NEGR1: variants seen among roughly 807,000 people sequenced by gnomAD.
NEGR1 encodes IgLON family member 4.
Under a neutral mutation model 40.9 loss-of-function variants are expected in NEGR1, and 10 were observed. The observed-to-expected ratio is 0.24, with a 90% CI of 0.15 to 0.42. The LOEUF (loss-of-function observed/expected upper bound fraction) is 0.42. Ranked by LOEUF, NEGR1 falls within the 10% of genes least tolerant of loss-of-function variation. NEGR1 has a pLI of 1.00. For synonymous variants in NEGR1, 185 were observed against 166.8 expected, an observed-to-expected ratio of 1.11 and a Z score of -0.84; for missense variants, 352 against 438.9, an observed-to-expected ratio of 0.80 and a Z score of 1.77.
At chr1:71,780,007 G>A (rs1570336866) in intron 2 of NEGR1, among the ~76,000 whole-genome samples, 1 of 146,404 alleles carries the variant, frequency 6.8e-6, no homozygotes, top group Admixed American at 6.8e-5. Flanking sequence ...ATGGTCCCAG[G>A]GCGCATCGTG....
Position 71,399,753 on chromosome 1 carries a change from CA to C in NEGR1, c.*7692del, listed in dbSNP as rs1317618547. 1 of 152,078 alleles carries C rather than the reference CA, an allele frequency of 6.6e-6. No homozygotes were observed. The highest frequency in any genetic ancestry group is 2.4e-5 in the African/African-American group (1 of 41,416). The allele number at this position is 152,078 out of a possible 1,614,324, so 9.4% of individuals were successfully genotyped here. ...AATGAGCTATTGAACACATTTTTGC[CA>C]GGTCACTTGTCAAGTACTTGGTAGG... On this transcript the variant is annotated 3_prime_UTR_variant, in exon 7 of 7. Transcript: ENST00000357731.
At chr1:71,730,792 T>C (rs1384656844) in intron 3 of NEGR1, among the ~76,000 whole-genome samples, 2 of 151,598 alleles carry the variant, frequency 1.3e-5, no homozygotes, top group East Asian at 3.9e-4. Context: ...AGTATCAAAA[T>C]TGTTTGGCAT....
rs545773046 is a variant in NEGR1 at position 72,279,175 on chromosome 1, G to T, written c.176+3144C>A. Among the ~76,000 whole-genome samples, 131 of 152,172 alleles carry T rather than the reference G, an allele frequency of 8.6e-4. 1 individual carries two copies. Among genetic ancestry groups the T allele is most frequent in the Admixed American group, 2.7e-3 (42 of 15,286 alleles). ...TGTATTTAAGCTAAACAGAAAAGAT[G>T]ATTTACAAAATGATAGATACAGTTA... On this transcript the variant is annotated intron_variant, in intron 1 of 6. Coordinates refer to ENST00000357731, the MANE Select transcript of NEGR1 (RefSeq NM_173808.3).
intron 1 of NEGR1, among the ~76,000 whole-genome samples, chr1:72,059,051 G>C (rs1647141133): frequency 6.6e-6 from 1 of 151,636 alleles, no homozygotes; most frequent in Non-Finnish European, 1.5e-5. Context: ...TTGTCTTTCA[G>C]ATTGGTCCCC....
chr1:71,500,063 T>C (rs541475748), intron 6 of NEGR1, among the ~76,000 whole-genome samples: 27 of 152,232 alleles, frequency 1.8e-4, no homozygotes, highest in African/African-American at 6.3e-4. Context: ...AAATCAAATG[T>C]AATACCAAAA....
chr1:71,506,438 C>A (rs1032614586), intron 6 of NEGR1, among the ~76,000 whole-genome samples: 3 of 152,110 alleles, frequency 2.0e-5, no homozygotes, highest in African/African-American at 7.2e-5. Context: ...GCAGTAGCTG[C>A]CACAACCCTG....
At chr1:72,249,896 G>A (rs2100528470) in intron 1 of NEGR1, among the ~76,000 whole-genome samples, 1 of 152,262 alleles carries the variant, frequency 6.6e-6, no homozygotes, top group East Asian at 1.9e-4. Context: ...AAATGCCTCA[G>A]ATCTTCAAGC....
At chr1:72,009,716 A>T (rs1384061155) in intron 1 of NEGR1, among the ~76,000 whole-genome samples, 1 of 152,152 alleles carries the variant, frequency 6.6e-6, no homozygotes, top group African/African-American at 2.4e-5. Context: ...TTTTGTGTCT[A>T]GCTGGGTATT....
At chr1:71,744,732 A>T (rs1438967034) in intron 3 of NEGR1, among the ~76,000 whole-genome samples, 1 of 152,174 alleles carries the variant, frequency 6.6e-6, no homozygotes, top group Non-Finnish European at 1.5e-5. Flanking sequence ...TCACAAGTTC[A>T]ATCTTAGTTT....
At chr1:71,539,656 G>T (rs888732499) in intron 6 of NEGR1, among the ~76,000 whole-genome samples, 3 of 151,600 alleles carry the variant, frequency 2.0e-5, no homozygotes, top group African/African-American at 7.3e-5. Flanking sequence ...TGAAGAAAAA[G>T]TCCAATGTCA....
At chr1:71,435,102 CAAACAAACA>C (rs1315881841) in intron 6 of NEGR1, among the ~76,000 whole-genome samples, 2 of 146,102 alleles carry the variant, frequency 1.4e-5, no homozygotes, top group South Asian at 4.6e-4. Context: ...AACAAACAAA[CAAACAAACA>C]AAAAAAAAAA....
chr1:71,905,963 C>T, intron 2 of NEGR1, among the ~76,000 whole-genome samples: 1 of 151,824 alleles, frequency 6.6e-6, no homozygotes, highest in East Asian at 1.9e-4. Context: ...ACAACTTAAG[C>T]TTAGCCAACC....
At position 71,563,162 on chromosome 1, in the gene NEGR1, A is replaced by G. The variant is rs1446672552; in HGVS notation, c.940+29655T>C. On this transcript the variant is annotated intron_variant, in intron 6 of 6. Transcript: ENST00000357731. ...ATAAAAGAGTGCTTGTTCTCCATGA[A>G]ACATATTGGAATAGAGAGAGAGAGG... 3.3e-5 allele frequency among the ~76,000 whole-genome samples: 5 copies of G among 151,976 alleles called. No individual in the cohort carries two copies. The South Asian group carries it at 8.3e-4, about 25-fold the overall frequency.
Position 71,752,716 on chromosome 1 carries a change from T to G in NEGR1, c.535+23456A>C, listed in dbSNP as rs146782843. ...AATCAAATACTATGGAATCAATCATTCATGTACCCTCTCACTTTCATAGAT... is the reference window on the plus strand; with the variant it reads ...AATCAAATACTATGGAATCAATCATGCATGTACCCTCTCACTTTCATAGAT... On this transcript the variant is annotated intron_variant, in intron 3 of 6. Coordinates refer to ENST00000357731, the MANE Select transcript of NEGR1 (RefSeq NM_173808.3). 1.3e-3 allele frequency among the ~76,000 whole-genome samples: 191 copies of G among 149,634 alleles called. 4 individuals carry two copies. The East Asian group carries it at 0.021, about 16-fold the overall frequency.
At chr1:71,910,847 A>G (rs918310825) in intron 2 of NEGR1, among the ~76,000 whole-genome samples, 5 of 151,948 alleles carry the variant, frequency 3.3e-5, no homozygotes, top group Non-Finnish European at 1.5e-5. Flanking sequence ...ATGGGCACAC[A>G]CTACAAAGCC....
chr1:71,852,104 G>A (rs1659621524), intron 2 of NEGR1, among the ~76,000 whole-genome samples: 1 of 152,134 alleles, frequency 6.6e-6, no homozygotes, highest in Non-Finnish European at 1.5e-5. Context: ...CATCTTTTAA[G>A]TGATTCTTAC....
intron 4 of NEGR1, among the ~76,000 whole-genome samples, chr1:71,632,466 T>C (rs1289449618): frequency 6.6e-6 from 1 of 151,142 alleles, no homozygotes; most frequent in Admixed American, 6.6e-5. Context: ...TTTAATATGA[T>C]ACAAATTGAT....
chr1:72,245,601 G>A (rs1237845964), intron 1 of NEGR1, among the ~76,000 whole-genome samples: 1 of 151,924 alleles, frequency 6.6e-6, no homozygotes, highest in Non-Finnish European at 1.5e-5. Flanking sequence ...TAATATAGAA[G>A]AATAATATTT....
At chr1:72,268,689 G>C (rs1044496389) in intron 1 of NEGR1, among the ~76,000 whole-genome samples, 6 of 151,316 alleles carry the variant, frequency 4.0e-5, no homozygotes, top group Non-Finnish European at 8.9e-5. Context: ...TCAATTCAAG[G>C]ATTCTAGAAT....
Sources: gnomAD v4.1 joint callset for allele counts (sites outside exome capture counted in the v4.1 genomes callset) on GRCh38, gnomAD v4.1.1 for gene constraint, MANE v1.5 for transcripts, NCBI Gene and HGNC (gene_info 2026-07-23, HGNC 2026-07-21) for gene names.